HMCN1: variants seen among roughly 807,000 people sequenced by gnomAD.
HMCN1 encodes hemicentin-1.
In HMCN1, 321 loss-of-function variants were observed where a neutral mutation model predicts 625.9. That is an observed-to-expected ratio of 0.51 (90% CI 0.47 to 0.56). HMCN1 has a LOEUF of 0.56. Ranked by LOEUF, HMCN1 falls within the 20% of genes least tolerant of loss-of-function variation. HMCN1 has a pLI of 0.00. For missense variants in HMCN1, 6,588 were observed against 6,887.3 expected (o/e 0.96, Z 1.54); for synonymous variants, 2,425 against 2,417.6 (o/e 1.00, Z -0.09).
chr1:186,118,212 T>G (rs912241990), intron 77 of HMCN1, among the ~76,000 whole-genome samples: 1 of 152,080 alleles, frequency 6.6e-6, no homozygotes, highest in Non-Finnish European at 1.5e-5. Context: ...CACGTTGGTG[T>G]TTCTAAAACT....
chr1:185,735,969 C>T (rs564956478), intron 1 of HMCN1, among the ~76,000 whole-genome samples: 1 of 152,214 alleles, frequency 6.6e-6, no homozygotes, highest in Admixed American at 6.5e-5. Context: ...AGTCCTCCCC[C>T]ACTGTTCTCC....
At chr1:185,909,607 A>T (rs1383650755) in intron 5 of HMCN1, 99 bp downstream of exon 5, 1 of 960,968 alleles carries the variant, frequency 1.0e-6, no homozygotes, top group Non-Finnish European at 1.6e-6. Context: ...CAACTTCATG[A>T]ATAAATTCAA....
At chr1:185,926,025 C>A (rs1441251221) in intron 9 of HMCN1, among the ~76,000 whole-genome samples, 1 of 152,184 alleles carries the variant, frequency 6.6e-6, no homozygotes, top group Non-Finnish European at 1.5e-5. Context: ...CCGACTTTTC[C>A]TTGTGAAGTT....
At chr1:185,881,336 G>A (rs1664295373) in intron 4 of HMCN1, among the ~76,000 whole-genome samples, 1 of 152,208 alleles carries the variant, frequency 6.6e-6, no homozygotes, top group Non-Finnish European at 1.5e-5. Flanking sequence ...GGAGTAGGAA[G>A]GCAATCTTCC....
intron 11 of HMCN1, among the ~76,000 whole-genome samples, chr1:185,943,310 T>A (rs923843638): frequency 6.6e-6 from 1 of 152,220 alleles, no homozygotes; most frequent in African/African-American, 2.4e-5. Flanking sequence ...ATGGAGGCAC[T>A]TCACTCCTTG....
At chr1:186,122,896 G>A (rs1661461793) in intron 80 of HMCN1, 55 bp from the exon 81 acceptor site, 2 of 1,563,530 alleles carry the variant, frequency 1.3e-6, no homozygotes, top group South Asian at 2.2e-5. Flanking sequence ...TATGTAATTT[G>A]CGCACTCATG....
chr1:186,037,096 A>G (rs1048638099), intron 36 of HMCN1, among the ~76,000 whole-genome samples: 1 of 150,850 alleles, frequency 6.6e-6, no homozygotes. Flanking sequence ...TATTGATTGT[A>G]TGTGGGTCGA....
intron 40 of HMCN1, among the ~76,000 whole-genome samples, chr1:186,042,064 G>A (rs1656244411): frequency 6.6e-6 from 1 of 152,134 alleles, no homozygotes; most frequent in Non-Finnish European, 1.5e-5. Flanking sequence ...AAGACCCCTT[G>A]TTACAACATG....
chr1:186,058,875 A>G (rs1657510493), intron 46 of HMCN1, among the ~76,000 whole-genome samples: 1 of 152,024 alleles, frequency 6.6e-6, no homozygotes, highest in Non-Finnish European at 1.5e-5. Flanking sequence ...ATCTTGGTTT[A>G]TAACTGATAG....
rs750804567 is a variant in HMCN1, at chr1:186,052,955, C to T, written c.6581C>T (p.Pro2194Leu). Residue 2194 changes from proline (P) to leucine (L), a missense_variant, in exon 43 of 107, where the codon CCC (proline) becomes CTC (leucine). Transcript: ENST00000271588. ...EKNYNVNIWVPPNIGGSDELT... is the reference protein window; with the variant it reads ...EKNYNVNIWVLPNIGGSDELT... ...TCATATTTTTATTTTTTTCTAGTCC[C>T]CCCAAATATTGGTGGTTCTGATGAA... The T allele has an allele frequency of 4.4e-6, 7 of 1,601,916 alleles. No homozygotes were observed. Among genetic ancestry groups the T allele is most frequent in the Non-Finnish European group, 2.6e-6 (3 of 1,169,898 alleles).
intron 3 of HMCN1, 112 bp from the exon 4 acceptor site, chr1:185,865,629 A>AAT: frequency 4.1e-6 from 3 of 732,126 alleles, no homozygotes; most frequent in Non-Finnish European, 6.9e-6. Flanking sequence ...ACACACACAC[A>AAT]CATTCACATA....
At chr1:185,770,254 G>A (rs1656150065) in intron 1 of HMCN1, among the ~76,000 whole-genome samples, 1 of 152,134 alleles carries the variant, frequency 6.6e-6, no homozygotes, top group Non-Finnish European at 1.5e-5. Context: ...CTGAAGAGAG[G>A]AATGAACAAG....
At chr1:185,805,949 TAAAA>T (rs1170112266) in intron 1 of HMCN1, among the ~76,000 whole-genome samples, 2 of 152,064 alleles carry the variant, frequency 1.3e-5, no homozygotes, top group East Asian at 3.9e-4. Context: ...TACATAGAGC[TAAAA>T]AAGATCCTAT....
chr1:185,983,089 TTTATTA>T (rs1025818213), intron 18 of HMCN1, among the ~76,000 whole-genome samples: 3 of 152,118 alleles, frequency 2.0e-5, no homozygotes, highest in Admixed American at 6.5e-5. Flanking sequence ...TATATCAATC[TTTATTA>T]TTATTAACTT....
chr1:186,071,512 G>A (rs74136009), intron 52 of HMCN1, among the ~76,000 whole-genome samples: 4,313 of 152,162 alleles, frequency 0.028, 203 homozygotes, highest in African/African-American at 0.099. Context: ...TGTTAACACC[G>A]TACTTAATAC....
At chr1:185,808,373 A>G (rs1436206655) in intron 1 of HMCN1, among the ~76,000 whole-genome samples, 3 of 151,936 alleles carry the variant, frequency 2.0e-5, no homozygotes, top group East Asian at 3.9e-4. Flanking sequence ...AAAAATAAAA[A>G]GTAAAAATGG....
In HMCN1 at chr1:185,990,397, A is replaced by G. The variant is rs1418742972; in HGVS notation, c.3331A>G (p.Ile1111Val). The part of the protein sequence containing the change: ...CEVKSLPPPI[I>V]TWAKETQLIS... ...AGTGAAGAGCTTACCTCCACCCATA[A>G]TTACTTGGGCCAAAGAAACCCAGCT... The change falls in exon 22 of 107, where the codon ATT (isoleucine) becomes GTT (valine). Residue 1111 changes from isoleucine to valine, a missense_variant. Transcript: ENST00000271588. The G allele has an allele frequency of 1.9e-6, 3 of 1,614,078 alleles. No homozygotes were observed. Among genetic ancestry groups the G allele is most frequent in the Non-Finnish European group, 2.5e-6 (3 of 1,179,948 alleles).
intron 5 of HMCN1, among the ~76,000 whole-genome samples, chr1:185,910,718 G>A (rs189472520): frequency 4.0e-5 from 6 of 151,618 alleles, no homozygotes; most frequent in Admixed American, 6.6e-5. Context: ...TTACAGGTGC[G>A]CACCACCACG....
rs541152509 is a variant in HMCN1, at chr1:185,864,950, G to A, written c.498+322G>A. On this transcript the variant is annotated intron_variant, in intron 3 of 106. Coordinates refer to ENST00000271588, the MANE Select transcript of HMCN1 (RefSeq NM_031935.3). Reference sequence around the variant, plus strand: ...AGGCTTATATTCCAATGTTATCTCCGATGTGGAATCACGCCTGAGTCAGAG... The same window carrying A: ...AGGCTTATATTCCAATGTTATCTCCAATGTGGAATCACGCCTGAGTCAGAG... Among the ~76,000 whole-genome samples, 255 of 152,332 alleles carry A rather than the reference G, an allele frequency of 1.7e-3. 2 individuals are homozygous for A. The highest frequency in any genetic ancestry group is 5.9e-3 in the African/African-American group (246 of 41,568).
Sources: allele counts gnomAD v4.1 joint callset (sites outside exome capture counted in the v4.1 genomes callset), GRCh38; gene constraint gnomAD v4.1.1; transcripts MANE v1.5; gene names NCBI Gene and HGNC (gene_info 2026-07-23, HGNC 2026-07-21).